Variants in ZBTB20 observed in about 807,000 individuals in gnomAD.
The protein encoded by ZBTB20 is zinc finger and BTB domain-containing protein 20.
Under a neutral mutation model 56.9 loss-of-function variants are expected in ZBTB20, and 9 were observed. The ratio of observed to expected loss-of-function variants is 0.16; its 90% CI spans 0.10 to 0.28. The LOEUF (loss-of-function observed/expected upper bound fraction) is 0.28. Ranked by LOEUF, ZBTB20 falls within the 10% of genes least tolerant of loss-of-function variation. ZBTB20 has a pLI of 1.00. For missense variants in ZBTB20, 655 were observed against 1,003.0 expected (o/e 0.65, Z 4.69); for synonymous variants, 417 against 420.7 (o/e 0.99, Z 0.11).
chr3:114,838,519 C>T (rs909031015), intron 4 of ZBTB20, among the ~76,000 whole-genome samples: 1 of 152,020 alleles, frequency 6.6e-6, no homozygotes, highest in Non-Finnish European at 1.5e-5. Context: ...ATGTGTAGAG[C>T]CCTGGAATTG....
At chr3:114,902,143 C>T (rs2075145032) in intron 3 of ZBTB20, among the ~76,000 whole-genome samples, 1 of 151,606 alleles carries the variant, frequency 6.6e-6, no homozygotes, top group Non-Finnish European at 1.5e-5. Flanking sequence ...CTTTTTTATC[C>T]CAGTGCTTTG....
intron 7 of ZBTB20, among the ~76,000 whole-genome samples, chr3:114,488,837 T>G (rs1388623015): frequency 3.3e-5 from 5 of 152,196 alleles, no homozygotes; most frequent in African/African-American, 4.8e-5. Context: ...AATAAGTGAT[T>G]GAGTCAATAA....
intron 10 of ZBTB20, among the ~76,000 whole-genome samples, chr3:114,372,501 G>A (rs1359225849): frequency 1.3e-5 from 2 of 152,198 alleles, no homozygotes; most frequent in African/African-American, 4.8e-5. Context: ...ACCTGTAGGT[G>A]ACTCTGGCTC....
At chr3:115,075,984 A>C (rs552931335) in intron 1 of ZBTB20, among the ~76,000 whole-genome samples, 51 of 152,266 alleles carry the variant, frequency 3.3e-4, no homozygotes, top group African/African-American at 9.4e-4. Context: ...TATATTAACA[A>C]GGAACCATCT....
intron 3 of ZBTB20, 33 bp from the exon 4 acceptor site, chr3:114,900,375 T>C (rs1560378117): frequency 6.7e-6 from 1 of 150,204 alleles, no homozygotes; most frequent in African/African-American, 2.5e-5. Flanking sequence ...AAGTAAAAAT[T>C]AATTTACTAA....
At chr3:114,564,907 G>A (rs947373354) in intron 6 of ZBTB20, among the ~76,000 whole-genome samples, 1 of 152,102 alleles carries the variant, frequency 6.6e-6, no homozygotes, top group Non-Finnish European at 1.5e-5. Context: ...CTTATGTCAC[G>A]CCTTGCATGG....
intron 5 of ZBTB20, among the ~76,000 whole-genome samples, chr3:114,797,820 C>A (rs1467164387): frequency 6.6e-6 from 1 of 151,732 alleles, no homozygotes; most frequent in Non-Finnish European, 1.5e-5. Context: ...CTTTGAGGCA[C>A]AAAGACTTAA....
intron 1 of ZBTB20, among the ~76,000 whole-genome samples, chr3:115,129,914 T>C (rs982134437): frequency 4.6e-5 from 7 of 152,202 alleles, no homozygotes; most frequent in African/African-American, 1.7e-4. Context: ...GAGGTTTATA[T>C]AGCTTCATCA....
intron 10 of ZBTB20, among the ~76,000 whole-genome samples, chr3:114,361,468 T>C (rs1043064529): frequency 2.0e-5 from 3 of 152,238 alleles, no homozygotes; most frequent in Non-Finnish European, 4.4e-5. Context: ...TAGAAAACTT[T>C]CTTAATGAGA....
At chr3:114,696,155 G>A (rs1454177342) in intron 5 of ZBTB20, among the ~76,000 whole-genome samples, 1 of 152,026 alleles carries the variant, frequency 6.6e-6, no homozygotes, top group Non-Finnish European at 1.5e-5. Flanking sequence ...GGCAATAATA[G>A]TTTTGATTTT....
intron 2 of ZBTB20, among the ~76,000 whole-genome samples, chr3:115,042,441 A>C (rs2081178776): frequency 6.6e-6 from 1 of 152,214 alleles, no homozygotes; most frequent in South Asian, 2.1e-4. Context: ...TTAGGTCTTG[A>C]AAAAGAATAG....
At chr3:114,966,742 C>T (rs965106186) in intron 3 of ZBTB20, among the ~76,000 whole-genome samples, 14 of 147,098 alleles carry the variant, frequency 9.5e-5, no homozygotes, top group Admixed American at 4.0e-4. Flanking sequence ...TCCAAAATTA[C>T]ATCAGTCTGT....
chr3:114,592,615 A>T (rs573611149), intron 6 of ZBTB20, among the ~76,000 whole-genome samples: 2 of 152,212 alleles, frequency 1.3e-5, no homozygotes, highest in East Asian at 3.8e-4. Context: ...TCAGCCATAG[A>T]GCACCATTTG....
intron 7 of ZBTB20, among the ~76,000 whole-genome samples, chr3:114,438,268 G>T (rs2090657569): frequency 6.6e-6 from 1 of 151,896 alleles, no homozygotes; most frequent in Non-Finnish European, 1.5e-5. Context: ...CATGATGGTT[G>T]GGAGGTACCT....
intron 6 of ZBTB20, among the ~76,000 whole-genome samples, chr3:114,501,618 C>T (rs1284020243): frequency 7.4e-6 from 1 of 134,764 alleles, no homozygotes; most frequent in Non-Finnish European, 1.6e-5. Context: ...AAGAGCAAAA[C>T]TCCGTCAAAA....
intron 3 of ZBTB20, chr3:114,931,168 G>T (rs547434181): frequency 2.0e-5 from 4 of 197,360 alleles, no homozygotes; most frequent in Non-Finnish European, 4.5e-5. Context: ...CAACTGGGGT[G>T]CAGGAGCACA....
chr3:114,885,667 G>C (rs890521817), intron 4 of ZBTB20, among the ~76,000 whole-genome samples: 4 of 151,718 alleles, frequency 2.6e-5, no homozygotes, highest in Admixed American at 2.6e-4. Flanking sequence ...TATTATCAAA[G>C]GCATATTTTC....
At chr3:115,122,833 A>G (rs185926864) in intron 1 of ZBTB20, among the ~76,000 whole-genome samples, 30 of 152,180 alleles carry the variant, frequency 2.0e-4, no homozygotes, top group Non-Finnish European at 3.5e-4. Context: ...CCACAAGCCT[A>G]CATTGACATA....
intron 3 of ZBTB20, among the ~76,000 whole-genome samples, chr3:114,961,727 C>G (rs2077460324): frequency 6.6e-6 from 1 of 152,128 alleles, no homozygotes; most frequent in Admixed American, 6.6e-5. Flanking sequence ...TGTCTCATAA[C>G]AGGGCTTCTT....
Sources: allele counts gnomAD v4.1 joint callset (sites outside exome capture counted in the v4.1 genomes callset), GRCh38; gene constraint gnomAD v4.1.1; transcripts MANE v1.5; gene names NCBI Gene and HGNC (gene_info 2026-07-23, HGNC 2026-07-21).